The following SEC61A2 variants were observed in gnomAD, a reference collection of about 807,000 sequenced individuals.
SEC61A2 encodes SEC61 translocon subunit alpha 2, also known as protein transport protein Sec61 subunit alpha isoform 2.
SEC61A2 carries 28 observed loss-of-function variants against 59.9 expected under a neutral mutation model. The observed-to-expected ratio is 0.47, with a 90% confidence interval of 0.35 to 0.64. SEC61A2 has a LOEUF of 0.64. SEC61A2 is among the 30% of genes least tolerant of loss of function. The pLI, the probability that SEC61A2 is intolerant of heterozygous loss-of-function variation, is 0.01. For synonymous variants in SEC61A2, 202 were observed against 214.4 expected, an observed-to-expected ratio of 0.94 and a Z score of 0.50; for missense variants, 340 against 585.9, an observed-to-expected ratio of 0.58 and a Z score of 4.33.
chr10:12,141,326 C>T (rs909928287), intron 3 of SEC61A2, among the ~76,000 whole-genome samples: 3 of 152,114 alleles, frequency 2.0e-5, no homozygotes, highest in Admixed American at 6.6e-5. Flanking sequence ...TTTAGGTTGA[C>T]CAGGTGAGTT....
At chr10:12,136,043 G>A in intron 2 of SEC61A2, 62 bp from the exon 3 acceptor site, 1 of 1,044,046 alleles carries the variant, frequency 9.6e-7, no homozygotes, top group Non-Finnish European at 1.5e-6. Context: ...AAACTCTGCT[G>A]CCCCCCAAAA....
At chr10:12,150,897 C>T (rs1251837051) in intron 6 of SEC61A2, among the ~76,000 whole-genome samples, 1 of 151,918 alleles carries the variant, frequency 6.6e-6, no homozygotes, top group African/African-American at 2.4e-5. Context: ...GCCTCAGCCT[C>T]CTGAGTAGCT....
chr10:12,138,817 A>G (rs1833944692), intron 3 of SEC61A2, among the ~76,000 whole-genome samples: 1 of 152,248 alleles, frequency 6.6e-6, no homozygotes, highest in Non-Finnish European at 1.5e-5. Flanking sequence ...TCAATTTGCT[A>G]TGAACATTCA....
At chr10:12,140,044 G>A (rs1833980831) in intron 3 of SEC61A2, among the ~76,000 whole-genome samples, 1 of 152,048 alleles carries the variant, frequency 6.6e-6, no homozygotes, top group Admixed American at 6.6e-5. Flanking sequence ...CTGCTCCAGG[G>A]GTGTGGGCAG....
intron 11 of SEC61A2, among the ~76,000 whole-genome samples, chr10:12,163,750 C>T (rs1834590790): frequency 6.6e-6 from 1 of 152,242 alleles, no homozygotes; most frequent in Admixed American, 6.5e-5. Flanking sequence ...TATGATGGAT[C>T]TCCAGCTCCA....
chr10:12,168,397 G>A (rs1449516467), downstream of SEC61A2, among the ~76,000 whole-genome samples: 1 of 152,152 alleles, frequency 6.6e-6, no homozygotes, highest in Non-Finnish European at 1.5e-5. This position sits in a 1 kb window ranked among gnomAD's most constrained non-coding sequence, Gnocchi z 4.8. Flanking sequence ...ATTTATAGCT[G>A]GGGTAGGGCT....
In SEC61A2 at chr10:12,162,538, C is replaced by A; in HGVS notation, c.1244+249C>A. Reference sequence around the variant, plus strand: ...AGATCAGTGCTGTTCTCAGCATTGGCTGGCTGCACATACAATCACCAGAGA... The same window carrying A: ...AGATCAGTGCTGTTCTCAGCATTGGATGGCTGCACATACAATCACCAGAGA... On this transcript the variant is annotated intron_variant, in intron 11 of 11. Coordinates refer to ENST00000298428, the MANE Select transcript of SEC61A2 (RefSeq NM_018144.4). The surrounding 1 kb of genome is among the most constrained non-coding windows in gnomAD (Gnocchi z 6.1). The A allele has an allele frequency of 1.6e-6, 1 of 642,096 alleles. No individual in the cohort carries two copies. The highest frequency in any genetic ancestry group is 2.9e-6 in the Non-Finnish European group (1 of 344,378). 39.8% of individuals were successfully genotyped at this position (642,096 alleles called of 1,614,324 possible).
At chr10:12,132,613 C>A (rs1342359413) in intron 1 of SEC61A2, among the ~76,000 whole-genome samples, 23 of 135,250 alleles carry the variant, frequency 1.7e-4, no homozygotes, top group African/African-American at 4.8e-4. Context: ...GACTCTGTCT[C>A]AAAAAAAAAA....
chr10:12,148,337 C>T (rs539911684), intron 4 of SEC61A2, among the ~76,000 whole-genome samples: 236 of 151,472 alleles, frequency 1.6e-3, no homozygotes, highest in Middle Eastern at 3.4e-3. Flanking sequence ...CCTCCACCTC[C>T]CGGGTTCAAG....
chr10:12,133,561 A>C (rs142677239), intron 2 of SEC61A2, among the ~76,000 whole-genome samples: 3 of 152,224 alleles, frequency 2.0e-5, no homozygotes, highest in South Asian at 2.1e-4. Flanking sequence ...TCTTCGGCCT[A>C]TGTGTTAGTT....
In SEC61A2 at chr10:12,160,470, A is replaced by G. The variant is rs757241905; in HGVS notation, c.976-460A>G. On this transcript the variant is annotated intron_variant, in intron 9 of 11. Coordinates refer to ENST00000298428, the MANE Select transcript of SEC61A2 (RefSeq NM_018144.4). The surrounding 1 kb of genome is among the most constrained non-coding windows in gnomAD (Gnocchi z 4.1). Reference sequence around the variant, plus strand: ...ATTAAAAGATTGCTCCTTATAACATAGAAACCACATAAAGTCTAGGCAGCA... The same window carrying G: ...ATTAAAAGATTGCTCCTTATAACATGGAAACCACATAAAGTCTAGGCAGCA... Among the ~76,000 whole-genome samples, 1 of 152,244 alleles carries G rather than the reference A, an allele frequency of 6.6e-6. No homozygotes were observed. Among genetic ancestry groups the G allele is most frequent in the Non-Finnish European group, 1.5e-5 (1 of 68,042 alleles).
In SEC61A2 at chr10:12,164,693, C is replaced by T. The variant is rs1409254301; in HGVS notation, c.*239C>T. 4 of 1,293,968 alleles carry T rather than the reference C, an allele frequency of 3.1e-6. No homozygotes were observed. The highest frequency in any genetic ancestry group is 3.9e-6 in the Non-Finnish European group (4 of 1,023,118). The allele number at this position is 1,293,968 out of a possible 1,614,324, so 80.2% of individuals were successfully genotyped here. A position where few individuals can be genotyped will look rare whatever the true frequency, so the allele number is the denominator to read the frequency against. On this transcript the variant is annotated 3_prime_UTR_variant, in exon 12 of 12. Transcript: ENST00000298428. This position sits in a 1 kb window ranked among gnomAD's most constrained non-coding sequence, Gnocchi z 7.3. ...AGTACATCTAGTGTTGCCTGTAATG[C>T]TGGAAACCAGTGTATCTACCTTGCT...
chr10:12,162,569 TA>T lies in SEC61A2; in HGVS notation c.1244+285del. ...GCACATACAATCACCAGAGAGCTTT[TA>T]AAAAGGATTTCCCAGGAACTGTGGC... On this transcript the variant is annotated intron_variant, in intron 11 of 11. Transcript: ENST00000298428. The surrounding 1 kb of genome is among the most constrained non-coding windows in gnomAD (Gnocchi z 6.1). 1 of 532,746 alleles carries T rather than the reference TA, an allele frequency of 1.9e-6. No homozygotes were observed. The highest frequency in any genetic ancestry group is 3.5e-6 in the Non-Finnish European group (1 of 285,906). The allele number at this position is 532,746 out of a possible 1,614,324, so 33.0% of individuals were successfully genotyped here.
rs781358169 is a variant in SEC61A2, at chr10:12,162,197, G to A, written c.1168-16G>A. 71 of 1,611,762 alleles carry A rather than the reference G, an allele frequency of 4.4e-5. No homozygotes were observed. Among genetic ancestry groups the A allele is most frequent in the African/African-American group, 9.3e-5 (7 of 74,902 alleles). Reference sequence around the variant, plus strand: ...ATGTTCCAGTTGGATTTTGAAAGTCGTTTTTCTCTCGGCAGGTAGCTAAAC... The same window carrying A: ...ATGTTCCAGTTGGATTTTGAAAGTCATTTTTCTCTCGGCAGGTAGCTAAAC... On this transcript the variant is annotated splice_polypyrimidine_tract_variant and intron_variant, in intron 10 of 11. Transcript: ENST00000298428. This position sits in a 1 kb window ranked among gnomAD's most constrained non-coding sequence, Gnocchi z 6.1.
intron 3 of SEC61A2, among the ~76,000 whole-genome samples, chr10:12,136,481 G>T (rs960903721): frequency 1.4e-5 from 2 of 147,584 alleles, no homozygotes; most frequent in African/African-American, 2.5e-5. Context: ...CTAAAGTCTC[G>T]CTCTGTTGCC....
Position 12,153,789 on chromosome 10 carries a change from C to T in SEC61A2, c.463-1989C>T. ...ATACACTGAAGAGCTATGATTGGAT[C>T]AGTGTGTTTCACCCAGAAACATAGG... On this transcript the variant is annotated intron_variant, in intron 6 of 11. Coordinates refer to ENST00000298428, the MANE Select transcript of SEC61A2 (RefSeq NM_018144.4). The surrounding 1 kb of genome is among the most constrained non-coding windows in gnomAD (Gnocchi z 5.2). 6.2e-7 allele frequency: 1 copy of T among 1,607,772 alleles called. No individual in the cohort carries two copies. The highest frequency in any genetic ancestry group is 8.5e-7 in the Non-Finnish European group (1 of 1,178,104).
intron 6 of SEC61A2, among the ~76,000 whole-genome samples, chr10:12,151,150 T>C (rs965614382): frequency 6.6e-6 from 1 of 151,240 alleles, no homozygotes; most frequent in African/African-American, 2.5e-5. Context: ...TTAGATAAAT[T>C]ACCCAAGAAC....
Position 12,136,150 on chromosome 10 carries a change from A to T in SEC61A2, c.121A>T (p.Ile41Phe), listed in dbSNP as rs1487757133. 6.3e-7 allele frequency: 1 copy of T among 1,596,720 alleles called. No individual in the cohort carries two copies. The highest frequency in any genetic ancestry group is 1.7e-5 in the Admixed American group (1 of 59,994). ...KVLWTAITLF[I>F]FLVCCQIPLF... ...TCTGTGGACTGCTATAACGCTCTTC[A>T]TTTTCTTAGTGTGTTGTCAGGTATG... Residue 41 changes from isoleucine (I) to phenylalanine (F), a missense_variant, in exon 3 of 12, where the codon ATT (isoleucine) becomes TTT (phenylalanine). By Grantham distance (21) the Ile-to-Phe change is conservative. Transcript: ENST00000298428.
rs114109096 is a variant in SEC61A2 at position 12,133,459 on chromosome 10, A to G, written c.75+151A>G. On this transcript the variant is annotated intron_variant, in intron 2 of 11. Coordinates refer to ENST00000298428, the MANE Select transcript of SEC61A2 (RefSeq NM_018144.4). ...CTTGCAAGAGGCACAAAGTGAATAA[A>G]AATAATATAAATCTGTTTAAATCTA... 785 of 488,488 alleles carry G rather than the reference A, an allele frequency of 1.6e-3. 7 individuals are homozygous for G. Among genetic ancestry groups the G allele is most frequent in the African/African-American group, 0.014 (725 of 51,296 alleles). The allele number at this position is 488,488 out of a possible 1,614,324, so 30.3% of individuals were successfully genotyped here. A position where few individuals can be genotyped will look rare whatever the true frequency, so the allele number is the denominator to read the frequency against.
Sources: allele counts gnomAD v4.1 joint callset (sites outside exome capture counted in the v4.1 genomes callset), GRCh38; gene constraint gnomAD v4.1.1; non-coding constraint Gnocchi (gnomAD v3.1); transcripts MANE v1.5; gene names NCBI Gene and HGNC (gene_info 2026-07-23, HGNC 2026-07-21).